CSMD1: variants seen among roughly 807,000 people sequenced by gnomAD.
CSMD1 encodes the protein CUB and Sushi multiple domains 1.
Under a neutral mutation model 417.5 loss-of-function variants are expected in CSMD1, and 213 were observed. That is an observed-to-expected ratio of 0.51 (90% CI 0.46 to 0.57). The LOEUF (loss-of-function observed/expected upper bound fraction) is 0.57, where lower values mean the gene tolerates loss of function less well. Ranked by LOEUF, CSMD1 falls within the 20% of genes least tolerant of loss-of-function variation. The pLI is 0.00. For missense variants in CSMD1, 6,923 were observed against 4,529.7 expected (o/e 1.53, Z -15.17); for synonymous variants, 2,862 against 1,736.8 (o/e 1.65, Z -16.11).
chr8:3,523,704 T>C (rs575527567), intron 10 of CSMD1, among the ~76,000 whole-genome samples: 1 of 149,212 alleles, frequency 6.7e-6, no homozygotes, highest in African/African-American at 2.5e-5. Flanking sequence ...TGCACACATG[T>C]GCATGCACAC....
In CSMD1 at chr8:4,196,847, C is replaced by A. The variant is rs541974688; in HGVS notation, c.416-164748G>T. ...CACACTGGGGGTGATATTTAGCCTG[C>A]ACATGCCTTCATAGAAAACATATAG... On this transcript the variant is annotated intron_variant, in intron 3 of 69. Transcript: ENST00000635120. 2.0e-5 allele frequency among the ~76,000 whole-genome samples: 3 copies of A among 152,300 alleles called. No homozygotes were observed. In the East Asian group the frequency reaches 5.8e-4, roughly 29 times the overall value.
At chr8:3,643,566 T>C (rs993243007) in intron 7 of CSMD1, among the ~76,000 whole-genome samples, 5 of 151,862 alleles carry the variant, frequency 3.3e-5, no homozygotes, top group East Asian at 1.9e-4. Flanking sequence ...CCGGGCGTGG[T>C]GGCGGGCGCC....
intron 3 of CSMD1, among the ~76,000 whole-genome samples, chr8:4,413,053 A>G (rs1796734799): frequency 6.6e-6 from 1 of 152,230 alleles, no homozygotes; most frequent in South Asian, 2.1e-4. Context: ...ATAGACTTAC[A>G]AAATTACGCA....
chr8:3,241,427 C>A (rs1005319318), intron 26 of CSMD1, among the ~76,000 whole-genome samples: 2 of 152,090 alleles, frequency 1.3e-5, no homozygotes, highest in Non-Finnish European at 2.9e-5. Flanking sequence ...ACCTAAAGCT[C>A]GGCATCTGTG....
intron 1 of CSMD1, among the ~76,000 whole-genome samples, chr8:4,695,860 G>A (rs1048858141): frequency 2.0e-5 from 3 of 152,112 alleles, no homozygotes; most frequent in Admixed American, 1.3e-4. Context: ...TAGACTGGTG[G>A]CCCACCACTC....
chr8:3,866,003 G>A (rs2129108409), intron 5 of CSMD1, among the ~76,000 whole-genome samples: 1 of 152,250 alleles, frequency 6.6e-6, no homozygotes, highest in African/African-American at 2.4e-5. Context: ...CTGTAGTCAT[G>A]TTAGTGAGAT....
chr8:4,783,473 C>T (rs757992509), intron 1 of CSMD1, among the ~76,000 whole-genome samples: 1 of 152,138 alleles, frequency 6.6e-6, no homozygotes, highest in African/African-American at 2.4e-5. Flanking sequence ...ACAATGTATC[C>T]AAGATTAAAC....
At chr8:4,185,905 T>G (rs1383104388) in intron 3 of CSMD1, among the ~76,000 whole-genome samples, 3 of 152,186 alleles carry the variant, frequency 2.0e-5, no homozygotes, top group African/African-American at 7.2e-5. Flanking sequence ...GTTTGTAAAC[T>G]GTTATTACGT....
intron 1 of CSMD1, among the ~76,000 whole-genome samples, chr8:4,913,633 A>C (rs1805849505): frequency 6.6e-6 from 1 of 152,184 alleles, no homozygotes; most frequent in Non-Finnish European, 1.5e-5. Flanking sequence ...CTGGACCAAG[A>C]CTGAGTTCTG....
chr8:4,045,163 G>C (rs1228968898), intron 3 of CSMD1, among the ~76,000 whole-genome samples: 2 of 152,282 alleles, frequency 1.3e-5, no homozygotes, highest in South Asian at 2.1e-4. Context: ...CGCAGTCGTG[G>C]GCTGGGGTAC....
At chr8:3,146,393 G>A (rs962184441) in intron 40 of CSMD1, among the ~76,000 whole-genome samples, 3 of 151,778 alleles carry the variant, frequency 2.0e-5, no homozygotes, top group Admixed American at 6.6e-5. Context: ...ACTAGAATTT[G>A]GTTTAACTAT....
intron 3 of CSMD1, among the ~76,000 whole-genome samples, chr8:4,372,932 T>C (rs1295926622): frequency 1.3e-5 from 2 of 152,198 alleles, no homozygotes; most frequent in African/African-American, 4.8e-5. Flanking sequence ...GAGTAGCACA[T>C]AGTGATTTGC....
chr8:4,804,652 A>T (rs1383150687), intron 1 of CSMD1, among the ~76,000 whole-genome samples: 1 of 152,128 alleles, frequency 6.6e-6, no homozygotes, highest in Non-Finnish European at 1.5e-5. Context: ...TATTACAAAG[A>T]ATTTTTACTG....
intron 23 of CSMD1, among the ~76,000 whole-genome samples, chr8:3,319,869 G>T (rs1460959016): frequency 2.6e-5 from 4 of 151,864 alleles, no homozygotes; most frequent in Non-Finnish European, 2.9e-5. Context: ...ATATTTATTT[G>T]CTCTTAGATG....
intron 3 of CSMD1, among the ~76,000 whole-genome samples, chr8:4,244,314 T>C (rs774307532): frequency 2.0e-5 from 3 of 152,148 alleles, no homozygotes; most frequent in Non-Finnish European, 4.4e-5. Context: ...CTTGTCTCCA[T>C]GCCTGAAACT....
intron 3 of CSMD1, among the ~76,000 whole-genome samples, chr8:4,201,935 T>A (rs994521924): frequency 1.3e-5 from 2 of 151,870 alleles, no homozygotes; most frequent in Non-Finnish European, 2.9e-5. Context: ...TAGCATTTAT[T>A]CAAGCCAACC....
chr8:3,677,874 G>A (rs1323993047), intron 7 of CSMD1, among the ~76,000 whole-genome samples: 1 of 152,052 alleles, frequency 6.6e-6, no homozygotes, highest in African/African-American at 2.4e-5. Flanking sequence ...AGCCATTTCA[G>A]CCCTTTTTTT....
chr8:4,063,877 C>T (rs940449006), intron 3 of CSMD1, among the ~76,000 whole-genome samples: 2 of 152,166 alleles, frequency 1.3e-5, no homozygotes, highest in Non-Finnish European at 2.9e-5. Context: ...GCATTTTACA[C>T]GTAGCTGAAA....
chr8:3,007,613 C>T (rs563047879), intron 52 of CSMD1, among the ~76,000 whole-genome samples: 1 of 151,432 alleles, frequency 6.6e-6, no homozygotes, highest in South Asian at 2.1e-4. Context: ...GAGTTCGTGT[C>T]CTTCGTAGGG....
Sources: gnomAD v4.1 joint callset for allele counts (sites outside exome capture counted in the v4.1 genomes callset) on GRCh38, gnomAD v4.1.1 for gene constraint, MANE v1.5 for transcripts, NCBI Gene and HGNC (gene_info 2026-07-23, HGNC 2026-07-21) for gene names.